Variants in PCNX2 observed in about 807,000 individuals in gnomAD.
PCNX2 encodes pecanex 2, also known as pecanex-like protein 2.
PCNX2 carries 168 observed loss-of-function variants against 223.8 expected under a neutral mutation model. That is an observed-to-expected ratio of 0.75 (90% CI 0.66 to 0.85). The LOEUF is 0.85. PCNX2 is among the 40% of genes least tolerant of loss of function. The pLI, the probability that PCNX2 is intolerant of heterozygous loss-of-function variation, is 0.00. For missense variants in PCNX2, 2,507 were observed against 2,675.5 expected (o/e 0.94, Z 1.39); for synonymous variants, 1,006 against 1,052.6 (o/e 0.96, Z 0.86).
chr1:233,046,219 C>T (rs932822380), intron 25 of PCNX2, among the ~76,000 whole-genome samples: 2 of 152,112 alleles, frequency 1.3e-5, no homozygotes, highest in Non-Finnish European at 2.9e-5. Context: ...GGAGAACAAG[C>T]CCATCTATAT....
intron 8 of PCNX2, among the ~76,000 whole-genome samples, chr1:233,246,671 CAG>C (rs1491476843): frequency 6.6e-6 from 1 of 152,150 alleles, no homozygotes; most frequent in East Asian, 1.9e-4. Context: ...CATGGGAACA[CAG>C]GGGTAAGGTA....
At chr1:233,016,834 T>C (rs750620808) in intron 27 of PCNX2, 87 bp downstream of exon 27, 48 of 1,522,278 alleles carry the variant, frequency 3.2e-5, no homozygotes, top group Admixed American at 4.0e-5. Flanking sequence ...AAGTCTACCA[T>C]AGAATATAAG....
At chr1:233,015,445 T>C (rs1195302723) in intron 27 of PCNX2, among the ~76,000 whole-genome samples, 2 of 152,148 alleles carry the variant, frequency 1.3e-5, no homozygotes, top group African/African-American at 2.4e-5. Flanking sequence ...ACGCCTGTAA[T>C]CTGAGCACTT....
At chr1:233,257,717 G>A (rs1659809559) in intron 5 of PCNX2, among the ~76,000 whole-genome samples, 1 of 152,260 alleles carries the variant, frequency 6.6e-6, no homozygotes, top group Non-Finnish European at 1.5e-5. Flanking sequence ...TATCTATTGC[G>A]AGTACTTGCC....
the PCNX2 span, among the ~76,000 whole-genome samples, chr1:233,301,833 C>A: frequency 1.3e-5 from 2 of 150,086 alleles, no homozygotes; most frequent in Admixed American, 1.3e-4. Flanking sequence ...GCTCTGCCGC[C>A]CAAGCCAGAA....
chr1:233,203,311 G>C (rs1681241683), intron 13 of PCNX2, among the ~76,000 whole-genome samples: 1 of 152,206 alleles, frequency 6.6e-6, no homozygotes, highest in Non-Finnish European at 1.5e-5. Context: ...GTCTCACTCA[G>C]AGGTTTTTGC....
chr1:233,263,582 A>G (rs1015786523), intron 1 of PCNX2, among the ~76,000 whole-genome samples: 1 of 151,566 alleles, frequency 6.6e-6, no homozygotes, highest in Non-Finnish European at 1.5e-5. Flanking sequence ...CAGCCTCCCG[A>G]GGAGCTGGGA....
At chr1:233,188,924 A>C (rs1680264297) in intron 15 of PCNX2, among the ~76,000 whole-genome samples, 1 of 152,190 alleles carries the variant, frequency 6.6e-6, no homozygotes, top group South Asian at 2.1e-4. Flanking sequence ...ATGTAACTTC[A>C]TCACAGGAGT....
chr1:233,186,908 C>G (rs1237358462), intron 15 of PCNX2, among the ~76,000 whole-genome samples: 1 of 152,166 alleles, frequency 6.6e-6, no homozygotes, highest in Non-Finnish European at 1.5e-5. Flanking sequence ...CACACACACA[C>G]AAATACGTGT....
At chr1:233,047,834 CT>C (rs1671872181) in intron 25 of PCNX2, among the ~76,000 whole-genome samples, 1 of 152,080 alleles carries the variant, frequency 6.6e-6, no homozygotes, top group African/African-American at 2.4e-5. Context: ...AAATTCTGGA[CT>C]TAAATTTGAC....
intron 21 of PCNX2, among the ~76,000 whole-genome samples, chr1:233,122,364 T>A (rs1675852521): frequency 6.6e-6 from 1 of 152,128 alleles, no homozygotes; most frequent in African/African-American, 2.4e-5. Context: ...TAACTTCCCA[T>A]TCCTTCAATG....
At chr1:233,101,595 T>C (rs1674486219) in intron 21 of PCNX2, among the ~76,000 whole-genome samples, 1 of 152,082 alleles carries the variant, frequency 6.6e-6, no homozygotes, top group African/African-American at 2.4e-5. Flanking sequence ...ATACCATCCA[T>C]GATAAAAATA....
rs145277688 is a variant in PCNX2 at position 233,035,803 on chromosome 1, T to C, written c.4352-10404A>G. On this transcript the variant is annotated intron_variant, in intron 25 of 33. Coordinates refer to ENST00000258229, the MANE Select transcript of PCNX2 (RefSeq NM_014801.4). Reference sequence around the variant, plus strand: ...GGCCATTTCTGAGCTCTGAGCAGTTTACTTCCACAGCCCAGAGTGCGCATT... The same window carrying C: ...GGCCATTTCTGAGCTCTGAGCAGTTCACTTCCACAGCCCAGAGTGCGCATT... 2.9e-3 allele frequency among the ~76,000 whole-genome samples: 441 copies of C among 152,280 alleles called. 2 individuals carry two copies. The highest frequency in any genetic ancestry group is 0.01 in the African/African-American group (426 of 41,564).
intron 16 of PCNX2, among the ~76,000 whole-genome samples, chr1:233,178,352 G>A (rs574912589): frequency 6.6e-5 from 10 of 152,138 alleles, no homozygotes; most frequent in East Asian, 3.9e-4. Flanking sequence ...AAAGAGTTAC[G>A]GTTATCTTAA....
At chr1:233,076,831 T>G (rs1369750152) in intron 23 of PCNX2, among the ~76,000 whole-genome samples, 1 of 152,200 alleles carries the variant, frequency 6.6e-6, no homozygotes, top group Non-Finnish European at 1.5e-5. Context: ...CCATGTAAAA[T>G]AATTTGGCTT....
At chr1:233,071,347 C>T (rs1052229583) in intron 23 of PCNX2, among the ~76,000 whole-genome samples, 12 of 152,088 alleles carry the variant, frequency 7.9e-5, no homozygotes, top group Admixed American at 3.9e-4. Flanking sequence ...TCCCAGTGTG[C>T]GTTTTTCCCG....
intron 15 of PCNX2, among the ~76,000 whole-genome samples, chr1:233,196,208 A>G (rs1443571952): frequency 2.0e-5 from 3 of 152,124 alleles, no homozygotes; most frequent in African/African-American, 7.2e-5. Flanking sequence ...AAATCATCTC[A>G]AAAGAGATTT....
rs17452972 is a variant in PCNX2 at position 233,001,969 on chromosome 1, G to C, written c.4953-288C>G. On this transcript the variant is annotated intron_variant, in intron 28 of 33. Transcript: ENST00000258229. The surrounding 1 kb of genome is among the most constrained non-coding windows in gnomAD (Gnocchi z 4.2). The stretch of plus-strand genomic sequence containing the variant: ...ACACTAGGATTCCAGGTCAGAACTG[G>C]CCTCACGTGTCCACTCAAAGTTAGA... 0.18 allele frequency among the ~76,000 whole-genome samples: 27,402 copies of C among 152,048 alleles called. 3,049 individuals carry two copies. The highest frequency in any genetic ancestry group is 0.25 in the Non-Finnish European group (16,958 of 67,950).
chr1:233,118,072 G>C (rs1339696881), intron 21 of PCNX2, among the ~76,000 whole-genome samples: 2 of 151,984 alleles, frequency 1.3e-5, no homozygotes, highest in Non-Finnish European at 2.9e-5. Flanking sequence ...GGGATGCAAG[G>C]TTGGTTTAAT....
Sources: gnomAD v4.1 joint callset for allele counts (sites outside exome capture counted in the v4.1 genomes callset) on GRCh38, gnomAD v4.1.1 for gene constraint, Gnocchi (gnomAD v3.1) non-coding constraint, MANE v1.5 for transcripts, NCBI Gene and HGNC (gene_info 2026-07-23, HGNC 2026-07-21) for gene names.